ANXA2: variants seen among roughly 807,000 people sequenced by gnomAD.
ANXA2 encodes the protein annexin II.
In ANXA2, 28 loss-of-function variants were observed where a neutral mutation model predicts 47.3. The ratio of observed to expected loss-of-function variants is 0.59; its 90% confidence interval spans 0.44 to 0.81. The LOEUF is 0.81. Among genes scored for constraint, ANXA2 ranks in the 40% least tolerant of loss-of-function variants. The probability of loss-of-function intolerance (pLI) is 0.00; values close to 1 mark genes in which losing one functional copy is unlikely to be tolerated. For missense variants in ANXA2, 384 were observed against 414.3 expected, an observed-to-expected ratio of 0.93 and a Z score of 0.64; for synonymous variants, 172 against 155.5, an observed-to-expected ratio of 1.11 and a Z score of -0.79.
chr15:60,360,438 G>A (rs1051737366), intron 5 of ANXA2, among the ~76,000 whole-genome samples: 2 of 152,094 alleles, frequency 1.3e-5, no homozygotes, highest in Non-Finnish European at 2.9e-5. Flanking sequence ...TCACAGGTAC[G>A]ATTCAGGTAC....
At chr15:60,387,181 AGAG>A (rs2062944908) in intron 1 of ANXA2, 1 of 152,212 alleles carries the variant, frequency 6.6e-6, no homozygotes, top group Admixed American at 6.5e-5. Flanking sequence ...GGGAAATGTA[AGAG>A]GAGAGGATTC....
chr15:60,393,281 C>T, intron 1 of ANXA2: 10 of 1,030,194 alleles, frequency 9.7e-6, no homozygotes, highest in Non-Finnish European at 1.2e-5. Flanking sequence ...CTGCTGGTAT[C>T]CTGATCTGGG....
chr15:60,377,886 G>A (rs1048579234), intron 3 of ANXA2, among the ~76,000 whole-genome samples: 1 of 152,126 alleles, frequency 6.6e-6, no homozygotes, highest in Admixed American at 6.5e-5. Context: ...TCAGGAGTGC[G>A]AGACGAGCCT....
intron 11 of ANXA2, among the ~76,000 whole-genome samples, chr15:60,349,408 G>A (rs1895887465): frequency 6.6e-6 from 1 of 152,064 alleles, no homozygotes; most frequent in Non-Finnish European, 1.5e-5. Context: ...CAAAAGCGTT[G>A]TATAAAATTA....
chr15:60,358,110 T>A (rs956011582), intron 5 of ANXA2, among the ~76,000 whole-genome samples: 2 of 152,234 alleles, frequency 1.3e-5, no homozygotes, highest in East Asian at 3.8e-4. Flanking sequence ...ATTGGGTTAA[T>A]GTTAAAAATT....
At chr15:60,363,461 C>G (rs2062547539) in intron 4 of ANXA2, among the ~76,000 whole-genome samples, 2 of 152,206 alleles carry the variant, frequency 1.3e-5, no homozygotes, top group Admixed American at 6.5e-5. Flanking sequence ...CAGCTCACCT[C>G]CACTGTGGCT....
chr15:60,359,556 G>C (rs1322977578), intron 5 of ANXA2, among the ~76,000 whole-genome samples: 1 of 152,226 alleles, frequency 6.6e-6, no homozygotes, highest in African/African-American at 2.4e-5. Context: ...ACTGAGCACA[G>C]CTTGGGCTAA....
chr15:60,395,123 G>C (rs1312983887), intron 1 of ANXA2, among the ~76,000 whole-genome samples: 1 of 152,204 alleles, frequency 6.6e-6, no homozygotes, highest in African/African-American at 2.4e-5. Context: ...CTGTGGAACA[G>C]CTGGATTAAA....
Position 60,352,125 on chromosome 15 carries a change from T to C in ANXA2, c.682+258A>G, listed in dbSNP as rs2062359231. ...GTACAGAGCATGCACCAAAGTCCACTACTTCAACAAATAATGGCAAGACCA... is the reference window on the plus strand; with the variant it reads ...GTACAGAGCATGCACCAAAGTCCACCACTTCAACAAATAATGGCAAGACCA... On this transcript the variant is annotated intron_variant, in intron 9 of 12. Transcript: ENST00000451270. This position sits in a 1 kb window ranked among gnomAD's most constrained non-coding sequence, Gnocchi z 4.2. Among the ~76,000 whole-genome samples, 1 of 152,150 alleles carries C rather than the reference T, an allele frequency of 6.6e-6. No homozygotes were observed.
At chr15:60,364,378 G>T in intron 4 of ANXA2, 51 bp downstream of exon 4, 1 of 1,474,338 alleles carries the variant, frequency 6.8e-7, no homozygotes. Context: ...CAATGTCTGA[G>T]GAAACAAAAA....
In ANXA2 at chr15:60,352,303, C is replaced by T. The variant is rs1044296035; in HGVS notation, c.682+80G>A. 5 of 935,554 alleles carry T rather than the reference C, an allele frequency of 5.3e-6. No individual in the cohort carries two copies. The highest frequency in any genetic ancestry group is 3.4e-6 in the Non-Finnish European group (2 of 594,734). The allele number at this position is 935,554 out of a possible 1,614,324, so 58.0% of individuals were successfully genotyped here. ...GGAGACAGAACCTCATTCTGGCAGA[C>T]TCCATCCCAACATGGACATCCACCC... On this transcript the variant is annotated intron_variant, in intron 9 of 12. Transcript: ENST00000451270. This position sits in a 1 kb window ranked among gnomAD's most constrained non-coding sequence, Gnocchi z 4.2.
At chr15:60,366,383 T>C (rs1395778741) in intron 3 of ANXA2, among the ~76,000 whole-genome samples, 3 of 141,670 alleles carry the variant, frequency 2.1e-5, no homozygotes, top group East Asian at 2.1e-4. Flanking sequence ...CCCGCCGCCA[T>C]CCCATCTAGG....
At chr15:60,371,682 A>G (rs1595688318) in intron 3 of ANXA2, among the ~76,000 whole-genome samples, 1 of 152,160 alleles carries the variant, frequency 6.6e-6, no homozygotes, top group East Asian at 1.9e-4. Flanking sequence ...TCCTCTCCTT[A>G]CCTAGATTAT....
rs1343526653 is a variant in ANXA2 at position 60,352,182 on chromosome 15, T to C, written c.682+201A>G. On this transcript the variant is annotated intron_variant, in intron 9 of 12. Transcript: ENST00000451270. The surrounding 1 kb of genome is among the most constrained non-coding windows in gnomAD (Gnocchi z 4.2). ...CATCAAACAAGAAGGAGCTGCAGAA[T>C]AAAGCACCAAATGCAGAAACTATTT... Among the ~76,000 whole-genome samples the C allele has an allele frequency of 6.6e-6, 1 of 152,106 alleles. No homozygotes were observed. The highest frequency in any genetic ancestry group is 1.5e-5 in the Non-Finnish European group (1 of 68,020).
At position 60,347,611 on chromosome 15, in the gene ANXA2, G is replaced by C; in HGVS notation, c.*19C>G. 6.2e-7 allele frequency: 1 copy of C among 1,613,708 alleles called. No homozygotes were observed. Among genetic ancestry groups the C allele is most frequent in the Non-Finnish European group, 8.5e-7 (1 of 1,179,674 alleles). ...AGCATGGTGAGCACCATTTCTGGAC[G>C]CTCAGGCCGTGTCGGGCTTCAGTCA... On this transcript the variant is annotated 3_prime_UTR_variant, in exon 13 of 13. Transcript: ENST00000451270.
intron 1 of ANXA2, among the ~76,000 whole-genome samples, chr15:60,388,534 A>G (rs1008020046): frequency 1.3e-5 from 2 of 151,776 alleles, no homozygotes; most frequent in Non-Finnish European, 2.9e-5. Context: ...AATTACAACT[A>G]TGATATGTTG....
At chr15:60,393,902 A>T (rs543337116) in intron 1 of ANXA2, among the ~76,000 whole-genome samples, 2 of 152,126 alleles carry the variant, frequency 1.3e-5, no homozygotes, top group Non-Finnish European at 2.9e-5. Context: ...GGGTCTTTCT[A>T]TATTAGAAAG....
rs2062363112 is a variant in ANXA2, at chr15:60,352,396, G to A, written c.669C>T (p.Pro223=). The change falls in exon 9 of 13, where the codon CCC becomes CCT. Residue 223 remains proline (P), a synonymous_variant. Coordinates refer to ENST00000451270, the MANE Select transcript of ANXA2 (RefSeq NM_004039.3). This position sits in a 1 kb window ranked among gnomAD's most constrained non-coding sequence, Gnocchi z 4.2. ...WISIMTERSV[P]HLQKVFDRYK... Reference sequence around the variant, plus strand: ...CACAGTGCCCACCTTTCTGGAGGTGGGGCACGCTCCGCTCGGTCATGATGC... The same window carrying A: ...CACAGTGCCCACCTTTCTGGAGGTGAGGCACGCTCCGCTCGGTCATGATGC... The A allele has an allele frequency of 8.1e-6, 13 of 1,613,186 alleles. No individual in the cohort carries two copies. The highest frequency in any genetic ancestry group is 1.7e-5 in the Admixed American group (1 of 59,962).
intron 3 of ANXA2, among the ~76,000 whole-genome samples, chr15:60,382,062 G>A (rs1410325943): frequency 2.2e-5 from 3 of 134,292 alleles, no homozygotes; most frequent in African/African-American, 8.1e-5. Flanking sequence ...GGGAGGGAGG[G>A]AGGGAGGGAG....
Sources: allele counts gnomAD v4.1 joint callset (sites outside exome capture counted in the v4.1 genomes callset), GRCh38; gene constraint gnomAD v4.1.1; non-coding constraint Gnocchi (gnomAD v3.1); transcripts MANE v1.5; gene names NCBI Gene and HGNC (gene_info 2026-07-23, HGNC 2026-07-21).